Variants in NDFIP2 observed in about 807,000 individuals in gnomAD.
NDFIP2 encodes NEDD4 family-interacting protein 2.
In NDFIP2, 19 loss-of-function variants were observed where a neutral mutation model predicts 36.0. The ratio of observed to expected loss-of-function variants is 0.53; its 90% CI spans 0.37 to 0.77. The LOEUF (loss-of-function observed/expected upper bound fraction) is 0.77. Among genes scored for constraint, NDFIP2 ranks in the 30% least tolerant of loss-of-function variants. The pLI, the probability that NDFIP2 is intolerant of heterozygous loss-of-function variation, is 0.00. For missense variants in NDFIP2, 446 were observed against 435.8 expected, an observed-to-expected ratio of 1.02 and a Z score of -0.21; for synonymous variants, 181 against 167.7, an observed-to-expected ratio of 1.08 and a Z score of -0.61.
chr13:79,527,504 A>G (rs770375926), intron 2 of NDFIP2, among the ~76,000 whole-genome samples: 15 of 152,198 alleles, frequency 9.9e-5, no homozygotes, highest in Non-Finnish European at 1.6e-4. Flanking sequence ...TTGGCCAGCA[A>G]CAGACTGCAT....
intron 1 of NDFIP2, among the ~76,000 whole-genome samples, chr13:79,513,367 A>G (rs1484973489): frequency 1.3e-5 from 2 of 152,252 alleles, no homozygotes; most frequent in Non-Finnish European, 2.9e-5. Flanking sequence ...ATATTATACT[A>G]TGGAGAGACA....
chr13:79,536,169 A>G (rs900846105), intron 3 of NDFIP2, among the ~76,000 whole-genome samples: 8 of 152,222 alleles, frequency 5.3e-5, no homozygotes, highest in Non-Finnish European at 8.8e-5. Context: ...GAAAAATGCT[A>G]ATTCCAAACT....
chr13:79,483,244 C>T lies in NDFIP2; in HGVS notation c.321+1720C>T, dbSNP rs950643394. ...AAAGGTAGTACTTTAGGTAGGACAT[C>T]GATCTGTTCTCCTTGTAAGGCAACT... On this transcript the variant is annotated intron_variant, in intron 1 of 7. Coordinates refer to ENST00000218652, the MANE Select transcript of NDFIP2 (RefSeq NM_019080.3). Among the ~76,000 whole-genome samples, 24 of 152,012 alleles carry T rather than the reference C, an allele frequency of 1.6e-4. No homozygotes were observed. The East Asian group carries it at 3.1e-3, about 20-fold the overall frequency.
At chr13:79,496,135 C>T (rs1326645149) in intron 1 of NDFIP2, among the ~76,000 whole-genome samples, 2 of 151,826 alleles carry the variant, frequency 1.3e-5, no homozygotes, top group Admixed American at 1.3e-4. Context: ...TCTCTGTATC[C>T]TGTATTCATT....
At chr13:79,529,247 T>C (rs2137096194) in intron 2 of NDFIP2, among the ~76,000 whole-genome samples, 1 of 152,300 alleles carries the variant, frequency 6.6e-6, no homozygotes, top group Non-Finnish European at 1.5e-5. Flanking sequence ...TTTAAAAGGG[T>C]AGATAAAAAT....
chr13:79,536,166 G>T (rs1875231331), intron 3 of NDFIP2, among the ~76,000 whole-genome samples: 1 of 152,202 alleles, frequency 6.6e-6, no homozygotes, highest in Non-Finnish European at 1.5e-5. Context: ...TATGAAAAAT[G>T]CTAATTCCAA....
chr13:79,542,604 T>C (rs1343396908), intron 4 of NDFIP2, among the ~76,000 whole-genome samples: 1 of 152,100 alleles, frequency 6.6e-6, no homozygotes, highest in Non-Finnish European at 1.5e-5. Context: ...AGCATCTTTA[T>C]TCAGTTTATT....
intron 1 of NDFIP2, among the ~76,000 whole-genome samples, chr13:79,515,192 T>A (rs1254025171): frequency 6.6e-6 from 1 of 152,206 alleles, no homozygotes; most frequent in Non-Finnish European, 1.5e-5. Flanking sequence ...TATATAAACA[T>A]AGAACAAGTA....
intron 2 of NDFIP2, 99 bp downstream of exon 2, chr13:79,521,074 A>G: frequency 1.1e-6 from 1 of 949,880 alleles, no homozygotes; most frequent in East Asian, 2.6e-5. Flanking sequence ...ATAAACATAT[A>G]TACACATGGA....
At chr13:79,527,907 G>A (rs944168789) in intron 2 of NDFIP2, among the ~76,000 whole-genome samples, 1 of 152,110 alleles carries the variant, frequency 6.6e-6, no homozygotes, top group African/African-American at 2.4e-5. Flanking sequence ...GGAAGACAAT[G>A]ATATTGACGA....
At chr13:79,546,900 T>C (rs1226116817) in intron 5 of NDFIP2, among the ~76,000 whole-genome samples, 3 of 152,144 alleles carry the variant, frequency 2.0e-5, no homozygotes, top group Admixed American at 1.3e-4. Flanking sequence ...GACTAAAAAA[T>C]AGTATAGTAC....
intron 5 of NDFIP2, among the ~76,000 whole-genome samples, chr13:79,545,546 C>T (rs1337160810): frequency 2.0e-5 from 3 of 152,104 alleles, no homozygotes; most frequent in Non-Finnish European, 2.9e-5. Flanking sequence ...AAGAAAAGGA[C>T]TTAAAAAAAT....
intron 1 of NDFIP2, among the ~76,000 whole-genome samples, chr13:79,508,719 T>C (rs1245592088): frequency 6.6e-6 from 1 of 152,178 alleles, no homozygotes; most frequent in African/African-American, 2.4e-5. Context: ...TTTTATCTCA[T>C]CCTGTGACTA....
intron 2 of NDFIP2, among the ~76,000 whole-genome samples, chr13:79,529,399 A>T (rs961536890): frequency 1.3e-5 from 2 of 152,206 alleles, no homozygotes; most frequent in African/African-American, 4.8e-5. Flanking sequence ...ATTATAAAAG[A>T]TCACATCTCC....
intron 1 of NDFIP2, among the ~76,000 whole-genome samples, chr13:79,487,043 C>T (rs1873025505): frequency 6.6e-6 from 1 of 152,144 alleles, no homozygotes; most frequent in Non-Finnish European, 1.5e-5. Flanking sequence ...GCTCTAACTT[C>T]AAATAACATC....
At chr13:79,524,557 G>A (rs1276003790) in intron 2 of NDFIP2, among the ~76,000 whole-genome samples, 53 of 152,178 alleles carry the variant, frequency 3.5e-4, no homozygotes, top group Admixed American at 3.5e-3. Flanking sequence ...ATATTTGCAG[G>A]TCAAAGTAAA....
chr13:79,522,344 A>T (rs1874619183), intron 2 of NDFIP2, among the ~76,000 whole-genome samples: 1 of 152,172 alleles, frequency 6.6e-6, no homozygotes, highest in African/African-American at 2.4e-5. Context: ...ACCTTAGATT[A>T]AAAAAATTAA....
At chr13:79,500,166 C>CAAAAAA (rs771690443) in intron 1 of NDFIP2, among the ~76,000 whole-genome samples, 4 of 76,054 alleles carry the variant, frequency 5.3e-5, no homozygotes, top group Non-Finnish European at 6.0e-5. Flanking sequence ...GATCCCCATG[C>CAAAAAA]AAAAAAAAAA....
intron 1 of NDFIP2, among the ~76,000 whole-genome samples, chr13:79,491,044 T>G (rs1873205809): frequency 6.6e-6 from 1 of 152,224 alleles, no homozygotes. Context: ...TATCGCTGTT[T>G]CCTGTTTGTT....
Sources: allele counts gnomAD v4.1 joint callset (sites outside exome capture counted in the v4.1 genomes callset), GRCh38; gene constraint gnomAD v4.1.1; transcripts MANE v1.5; gene names NCBI Gene and HGNC (gene_info 2026-07-23, HGNC 2026-07-21).